The following KIF13B variants were observed in gnomAD, a reference collection of about 807,000 sequenced individuals.
The protein encoded by KIF13B is kinesin family member 13B, also known as kinesin-like protein KIF13B.
In KIF13B, 127 loss-of-function variants were observed where a neutral mutation model predicts 222.0. That is an observed-to-expected ratio of 0.57 (90% CI 0.50 to 0.66). The LOEUF (loss-of-function observed/expected upper bound fraction) is 0.66, where lower values mean the gene tolerates loss of function less well. Ranked by LOEUF, KIF13B falls within the 30% of genes least tolerant of loss-of-function variation. The pLI, the probability that KIF13B is intolerant of heterozygous loss-of-function variation, is 0.00. For synonymous variants in KIF13B, 976 were observed against 919.0 expected, an observed-to-expected ratio of 1.06 and a Z score of -1.12; for missense variants, 2,173 against 2,379.0, an observed-to-expected ratio of 0.91 and a Z score of 1.80.
rs369858543 is a variant in KIF13B at position 29,165,637 on chromosome 8, C to A, written c.1269+25G>T. The A allele has an allele frequency of 1.3e-5, 19 of 1,462,090 alleles. 1 individual carries two copies. In the South Asian group the frequency reaches 2.1e-4, roughly 16 times the overall value. 90.6% of individuals were successfully genotyped at this position (1,462,090 alleles called of 1,614,324 possible). On this transcript the variant is annotated intron_variant, in intron 12 of 39. Coordinates refer to ENST00000524189, the MANE Select transcript of KIF13B (RefSeq NM_015254.4). The stretch of plus-strand genomic sequence containing the variant: ...GTGCAAACTGCCATGAGGTTTCATG[C>A]GCTTCATCATCAGGAAACACGAACC...
At chr8:29,140,336 C>G in intron 20 of KIF13B, 132 bp downstream of exon 20, 1 of 1,380,582 alleles carries the variant, frequency 7.2e-7, no homozygotes, top group Non-Finnish European at 9.8e-7. Flanking sequence ...TTACTCTACC[C>G]TAAGAGTCCT....
At chr8:29,254,686 C>T (rs1363579409) in intron 1 of KIF13B, among the ~76,000 whole-genome samples, 1 of 152,172 alleles carries the variant, frequency 6.6e-6, no homozygotes, top group African/African-American at 2.4e-5. Flanking sequence ...AAAGTGGAAC[C>T]TTCATGCATT....
intron 10 of KIF13B, among the ~76,000 whole-genome samples, chr8:29,173,815 G>A (rs371268458): frequency 8.6e-5 from 13 of 151,584 alleles, no homozygotes; most frequent in East Asian, 7.8e-4. Context: ...GTGGCGGTGC[G>A]CACCTGTAAT....
At chr8:29,187,376 A>G (rs1190723093) in intron 5 of KIF13B, among the ~76,000 whole-genome samples, 1 of 152,024 alleles carries the variant, frequency 6.6e-6, no homozygotes, top group Non-Finnish European at 1.5e-5. Flanking sequence ...AAAAATACCA[A>G]AAAAATTAAC....
At chr8:29,261,738 G>GA (rs1036765951) in intron 1 of KIF13B, among the ~76,000 whole-genome samples, 13 of 152,142 alleles carry the variant, frequency 8.5e-5, no homozygotes, top group East Asian at 5.8e-4. Flanking sequence ...AGTTCTTAGG[G>GA]AAAAAAACTC....
At chr8:29,091,975 T>TA (rs1192915465) in intron 37 of KIF13B, among the ~76,000 whole-genome samples, 1 of 152,258 alleles carries the variant, frequency 6.6e-6, no homozygotes, top group Non-Finnish European at 1.5e-5. Context: ...AGAAAATTCT[T>TA]TAGTTAAGTC....
intron 38 of KIF13B, among the ~76,000 whole-genome samples, chr8:29,072,570 C>G (rs1215117609): frequency 6.6e-6 from 1 of 152,190 alleles, no homozygotes; most frequent in African/African-American, 2.4e-5. Flanking sequence ...GGCCCTGGTT[C>G]CCACACTGGT....
chr8:29,146,517 A>G lies in KIF13B; in HGVS notation c.2048T>C (p.Leu683Pro), dbSNP rs1811065442. 1 of 1,613,564 alleles carries G rather than the reference A, an allele frequency of 6.2e-7. No individual in the cohort carries two copies. The highest frequency in any genetic ancestry group is 8.5e-7 in the Non-Finnish European group (1 of 1,179,652). The change falls in exon 18 of 40, where the codon CTG (leucine) becomes CCG (proline). Residue 683 changes from leucine to proline, a missense_variant. By Grantham distance (98) the Leu-to-Pro change is moderately conservative. Around this residue, in one of 2 missense-constraint regions of KIF13B, gnomAD observed 1,480 missense variants for 1,722.8 expected, o/e 0.86. Transcript: ENST00000524189. The stretch of plus-strand genomic sequence containing the variant: ...AACAATTTGTTCCCTCAGCCTCATC[A>G]GGCTGTTATTCAACGTTGCTTCTCT... ...EEREATLNNS[L>P]MRLREQIVKA...
chr8:29,133,026 C>A (rs1224188177), intron 22 of KIF13B, among the ~76,000 whole-genome samples: 5 of 152,180 alleles, frequency 3.3e-5, no homozygotes, highest in Admixed American at 3.3e-4. Context: ...ATCACAGAAT[C>A]TCCTATCTCT....
At chr8:29,202,028 T>C (rs1004095042) in intron 2 of KIF13B, among the ~76,000 whole-genome samples, 1 of 152,236 alleles carries the variant, frequency 6.6e-6, no homozygotes, top group African/African-American at 2.4e-5. Context: ...CCTCAATATC[T>C]AGAATTTTCC....
At chr8:29,238,871 A>AC (rs1438704062) in intron 2 of KIF13B, among the ~76,000 whole-genome samples, 1 of 152,080 alleles carries the variant, frequency 6.6e-6, no homozygotes, top group Non-Finnish European at 1.5e-5. Flanking sequence ...GGTGGAGAGG[A>AC]CAAAAAAAGA....
At position 29,195,506 on chromosome 8, in the gene KIF13B, G is replaced by A. The variant is rs188566218; in HGVS notation, c.162+681C>T. Among the ~76,000 whole-genome samples, 23 of 152,164 alleles carry A rather than the reference G, an allele frequency of 1.5e-4. No individual in the cohort carries two copies. The East Asian group carries it at 3.9e-3, about 26-fold the overall frequency. Reference sequence around the variant, plus strand: ...TACACATTTTAGCAATAATAATAGCGAACTGAATTACAATTCAGCCACGGA... The same window carrying A: ...TACACATTTTAGCAATAATAATAGCAAACTGAATTACAATTCAGCCACGGA... On this transcript the variant is annotated intron_variant, in intron 3 of 39. Coordinates refer to ENST00000524189, the MANE Select transcript of KIF13B (RefSeq NM_015254.4).
chr8:29,128,414 G>A (rs1218305556), intron 24 of KIF13B, among the ~76,000 whole-genome samples: 2 of 152,314 alleles, frequency 1.3e-5, no homozygotes, highest in African/African-American at 4.8e-5. Context: ...AGGAAAATCA[G>A]CTCAGGCAAC....
At position 29,134,072 on chromosome 8, in the gene KIF13B, G is replaced by T; in HGVS notation, c.2752C>A (p.Pro918Thr). The change falls in exon 22 of 40, where the codon CCG (proline) becomes ACG (threonine). Residue 918 changes from proline to threonine, a missense_variant. Coordinates refer to ENST00000524189, the MANE Select transcript of KIF13B (RefSeq NM_015254.4). ...DTSSSSVSKE[P>T]HCMVVFDHCN... ...TGATCAAAGACAACCATGCAGTGCG[G>T]CTCCTTGCTGACGGAAGAGGAGGAG... 1.2e-6 allele frequency: 2 copies of T among 1,613,986 alleles called. No individual in the cohort carries two copies. The highest frequency in any genetic ancestry group is 1.7e-6 in the Non-Finnish European group (2 of 1,179,880).
intron 32 of KIF13B, among the ~76,000 whole-genome samples, chr8:29,112,223 A>G (rs1303795029): frequency 6.6e-6 from 1 of 152,170 alleles, no homozygotes; most frequent in African/African-American, 2.4e-5. Flanking sequence ...TCACGAGGTC[A>G]GGAGACTGAG....
intron 32 of KIF13B, among the ~76,000 whole-genome samples, 190 bp downstream of exon 32, chr8:29,113,273 T>C (rs1809440705): frequency 2.6e-5 from 4 of 152,236 alleles, no homozygotes; most frequent in Admixed American, 2.6e-4. Context: ...AACAAAATAC[T>C]AAAACTAGAA....
chr8:29,179,197 G>T (rs1285242792), intron 8 of KIF13B, among the ~76,000 whole-genome samples: 2 of 151,844 alleles, frequency 1.3e-5, no homozygotes, highest in East Asian at 3.9e-4. Flanking sequence ...GCTCACTGCA[G>T]TCTCAAGCTC....
At chr8:29,215,505 G>A (rs1355036829) in intron 2 of KIF13B, among the ~76,000 whole-genome samples, 3 of 152,086 alleles carry the variant, frequency 2.0e-5, no homozygotes, top group African/African-American at 4.8e-5. Context: ...CTTGAGCAAC[G>A]TAGGGAGACC....
intron 7 of KIF13B, among the ~76,000 whole-genome samples, chr8:29,181,104 T>C (rs1179637985): frequency 1.3e-5 from 2 of 152,208 alleles, no homozygotes; most frequent in Non-Finnish European, 2.9e-5. Flanking sequence ...GAATAAGATT[T>C]AAAATTAAAA....
Sources: allele counts gnomAD v4.1 joint callset (sites outside exome capture counted in the v4.1 genomes callset), GRCh38; gene constraint gnomAD v4.1.1; regional missense constraint gnomAD v4.1.1; transcripts MANE v1.5; gene names NCBI Gene and HGNC (gene_info 2026-07-23, HGNC 2026-07-21).